CYTH3: variants seen among roughly 807,000 people sequenced by gnomAD.
CYTH3 encodes the protein cytohesin 3.
CYTH3 carries 23 observed loss-of-function variants against 55.1 expected under a neutral mutation model. The observed-to-expected ratio is 0.42, with a 90% confidence interval of 0.30 to 0.59. CYTH3 has a LOEUF of 0.59. Among genes scored for constraint, CYTH3 ranks in the 20% least tolerant of loss-of-function variants. The pLI is 0.20. For synonymous variants in CYTH3, 249 were observed against 194.9 expected (o/e 1.28, Z -2.31); for missense variants, 413 against 524.8 (o/e 0.79, Z 2.08).
intron 1 of CYTH3, among the ~76,000 whole-genome samples, chr7:6,261,386 G>C (rs575110588): frequency 6.6e-6 from 1 of 152,110 alleles, no homozygotes; most frequent in South Asian, 2.1e-4. Context: ...CCTAGAAGAA[G>C]GGTAAACCAG....
At chr7:6,239,105 T>G (rs1287999651) in intron 1 of CYTH3, among the ~76,000 whole-genome samples, 1 of 152,136 alleles carries the variant, frequency 6.6e-6, no homozygotes, top group Non-Finnish European at 1.5e-5. Flanking sequence ...TCCCAACTAC[T>G]CAGGAGGCTG....
chr7:6,216,933 G>C (rs1484818696), intron 1 of CYTH3, among the ~76,000 whole-genome samples: 1 of 146,512 alleles, frequency 6.8e-6, no homozygotes, highest in South Asian at 2.2e-4. Context: ...TTTTTGGTGT[G>C]ACTGAGTCTC....
chr7:6,252,799 A>C (rs1041956398), intron 1 of CYTH3, among the ~76,000 whole-genome samples: 3 of 152,240 alleles, frequency 2.0e-5, no homozygotes, highest in African/African-American at 7.2e-5. Context: ...TTATGTAAAT[A>C]TAGTTTGTCT....
Position 6,170,254 on chromosome 7 carries a change from A to C in CYTH3, c.823+281T>G, listed in dbSNP as rs1783134865. ...TAATGCGCTTGCTTCTCGTGCAGGA[A>C]GCTGCCCTGGCTGGATCTGGATGCT... is the stretch of plus-strand genomic sequence containing the variant. On this transcript the variant is annotated intron_variant, in intron 9 of 12. Coordinates refer to ENST00000350796, the MANE Select transcript of CYTH3 (RefSeq NM_004227.4). The surrounding 1 kb of genome is among the most constrained non-coding windows in gnomAD (Gnocchi z 7.8). 2.3e-6 allele frequency: 1 copy of C among 438,872 alleles called. No homozygotes were observed. Among genetic ancestry groups the C allele is most frequent in the Non-Finnish European group, 4.1e-6 (1 of 246,592 alleles). The allele number at this position is 438,872 out of a possible 1,614,324, so 27.2% of individuals were successfully genotyped here.
intron 1 of CYTH3, among the ~76,000 whole-genome samples, chr7:6,199,217 TCA>T (rs1784005542): frequency 6.6e-6 from 1 of 152,286 alleles, no homozygotes; most frequent in South Asian, 2.1e-4. Flanking sequence ...ATCTGCAAAA[TCA>T]CAGAGACTCA....
intron 5 of CYTH3, among the ~76,000 whole-genome samples, chr7:6,174,570 C>CA: frequency 9.0e-6 from 1 of 111,022 alleles, no homozygotes; most frequent in South Asian, 3.2e-4. Context: ...TTTTTCCAGA[C>CA]AGAGTCTCGC....
chr7:6,255,010 T>C (rs1780062233), intron 1 of CYTH3, among the ~76,000 whole-genome samples: 1 of 152,238 alleles, frequency 6.6e-6, no homozygotes, highest in South Asian at 2.1e-4. Context: ...CAACTCACTC[T>C]ACTCAGTATG....
chr7:6,220,911 G>C (rs1030612647), intron 1 of CYTH3, among the ~76,000 whole-genome samples: 1 of 152,064 alleles, frequency 6.6e-6, no homozygotes, highest in South Asian at 2.1e-4. Flanking sequence ...CAGGAGAATT[G>C]CTTGAACACG....
intron 1 of CYTH3, among the ~76,000 whole-genome samples, chr7:6,237,818 C>T (rs190648110): frequency 1.3e-5 from 2 of 152,312 alleles, no homozygotes; most frequent in African/African-American, 2.4e-5. Context: ...AACTTGACTA[C>T]TACTTGTAAA....
intron 4 of CYTH3, among the ~76,000 whole-genome samples, chr7:6,178,591 G>A (rs955173519): frequency 2.0e-5 from 3 of 152,368 alleles, no homozygotes; most frequent in African/African-American, 7.2e-5. Flanking sequence ...CATCTCACAT[G>A]GGAAACCCTG....
intron 1 of CYTH3, among the ~76,000 whole-genome samples, chr7:6,229,083 A>G (rs537761433): frequency 5.8e-4 from 89 of 152,344 alleles, no homozygotes; most frequent in African/African-American, 2.0e-3. Context: ...GTCTAGCAAC[A>G]GAATAAAACA....
intron 1 of CYTH3, among the ~76,000 whole-genome samples, chr7:6,209,004 T>C (rs748751936): frequency 6.6e-6 from 1 of 152,202 alleles, no homozygotes; most frequent in Non-Finnish European, 1.5e-5. Flanking sequence ...CCAAATGACT[T>C]TGTTGAACAG....
intron 1 of CYTH3, among the ~76,000 whole-genome samples, chr7:6,255,289 A>G (rs531843339): frequency 6.6e-6 from 1 of 152,374 alleles, no homozygotes; most frequent in South Asian, 2.1e-4. Flanking sequence ...AAGCATACAG[A>G]AAGTATGAAT....
At chr7:6,190,426 T>A in intron 2 of CYTH3, 23 bp downstream of exon 2, 1 of 1,426,674 alleles carries the variant, frequency 7.0e-7, no homozygotes, top group South Asian at 1.4e-5. Context: ...TTTGGATTTT[T>A]GGTTTTTTTT....
At chr7:6,254,092 G>C (rs1431149283) in intron 1 of CYTH3, among the ~76,000 whole-genome samples, 1 of 152,144 alleles carries the variant, frequency 6.6e-6, no homozygotes, top group Non-Finnish European at 1.5e-5. Flanking sequence ...TGAGGCAGGA[G>C]AATCACGTGA....
chr7:6,215,156 T>C (rs1055459807), intron 1 of CYTH3, among the ~76,000 whole-genome samples: 7 of 152,110 alleles, frequency 4.6e-5, no homozygotes, highest in African/African-American at 1.7e-4. Flanking sequence ...ACATGAGAGT[T>C]GACAAGGAAA....
intron 6 of CYTH3, 27 bp downstream of exon 6, chr7:6,173,626 C>G (rs1783257989): frequency 6.6e-7 from 1 of 1,526,412 alleles, no homozygotes; most frequent in Non-Finnish European, 9.1e-7. Context: ...CCCATCCACT[C>G]TACACCCAGC....
rs1266981018 is a variant in CYTH3 at position 6,253,445 on chromosome 7, G to A, written c.34+19029C>T. Among the ~76,000 whole-genome samples the A allele has an allele frequency of 4.6e-5, 7 of 151,956 alleles. No individual in the cohort carries two copies. The South Asian group carries it at 1.5e-3, about 32-fold the overall frequency. On this transcript the variant is annotated intron_variant, in intron 1 of 12. Transcript: ENST00000350796. ...GCTGGTCTTGAACTCCTGGCCTCAA[G>A]TGATCCGCCTGCCTCGGCCTCTCAA...
rs117503200 is a variant in CYTH3 at position 6,237,199 on chromosome 7, G to C, written c.34+35275C>G. On this transcript the variant is annotated intron_variant, in intron 1 of 12. Transcript: ENST00000350796. ...AAACTGTCTTCTCAATCCACTTTTA[G>C]ACTAGAACTGTTGGTCTGATAGGCA... Among the ~76,000 whole-genome samples, 12 of 152,312 alleles carry C rather than the reference G, an allele frequency of 7.9e-5. No homozygotes were observed. The East Asian group carries it at 2.1e-3, about 27-fold the overall frequency.
Sources: allele counts gnomAD v4.1 joint callset (sites outside exome capture counted in the v4.1 genomes callset), GRCh38; gene constraint gnomAD v4.1.1; non-coding constraint Gnocchi (gnomAD v3.1); transcripts MANE v1.5; gene names NCBI Gene and HGNC (gene_info 2026-07-23, HGNC 2026-07-21).